The following KLRG1 variants were observed in gnomAD, a reference collection of about 807,000 sequenced individuals.
KLRG1 encodes the protein killer cell lectin like receptor G1.
In KLRG1, 16 loss-of-function variants were observed where a neutral mutation model predicts 21.8. The observed-to-expected ratio is 0.73, with a 90% CI of 0.50 to 1.11. The LOEUF (loss-of-function observed/expected upper bound fraction) is 1.11. Ranked by LOEUF, KLRG1 falls within the 50% of genes most tolerant of loss-of-function variation. The probability of loss-of-function intolerance (pLI) is 0.00; values close to 1 mark genes in which losing one functional copy is unlikely to be tolerated. For missense variants in KLRG1, 173 were observed against 218.3 expected (o/e 0.79, Z 1.31); for synonymous variants, 69 against 75.9 (o/e 0.91, Z 0.47).
the KLRG1 span, among the ~76,000 whole-genome samples, chr12:9,063,006 G>A: frequency 2.0e-5 from 3 of 152,018 alleles, no homozygotes; most frequent in Middle Eastern, 3.4e-3. Context: ...AGAGAATATT[G>A]CATAATAGAA....
the KLRG1 span, among the ~76,000 whole-genome samples, chr12:9,195,334 C>T: frequency 6.6e-6 from 1 of 152,088 alleles, no homozygotes. Context: ...CTGCAACAAA[C>T]CAGCTAAGAA....
chr12:9,076,835 G>A, the KLRG1 span: 1 of 1,614,010 alleles, frequency 6.2e-7, no homozygotes, highest in Non-Finnish European at 8.5e-7. Context: ...CAAAAGCATA[G>A]GCCAGCAGTG....
the KLRG1 span, among the ~76,000 whole-genome samples, chr12:9,070,851 A>G: frequency 0.83 from 125,969 of 150,910 alleles, 52,978 homozygotes; most frequent in Non-Finnish European, 0.88. Flanking sequence ...GGAGTTTTTC[A>G]CTCTTCTTGC....
At chr12:9,027,238 A>G in the KLRG1 span, among the ~76,000 whole-genome samples, 6 of 151,186 alleles carry the variant, frequency 4.0e-5, no homozygotes, top group African/African-American at 1.5e-4. Flanking sequence ...TATTCCATTT[A>G]GCAATCAACA....
At chr12:9,149,968 C>T in the KLRG1 span, among the ~76,000 whole-genome samples, 1 of 152,174 alleles carries the variant, frequency 6.6e-6, no homozygotes, top group African/African-American at 2.4e-5. Context: ...AAACACTCCT[C>T]CTACTTCTAT....
the KLRG1 span, among the ~76,000 whole-genome samples, chr12:9,059,513 T>C: frequency 6.6e-6 from 1 of 152,300 alleles, no homozygotes; most frequent in African/African-American, 2.4e-5. Context: ...TGGGTTTCAA[T>C]GGATAAAACC....
At chr12:9,167,346 T>C in the KLRG1 span, 1 of 152,240 alleles carries the variant, frequency 6.6e-6, no homozygotes, top group Non-Finnish European at 1.5e-5. Flanking sequence ...CAACTTGACT[T>C]TCCACGTGTC....
chr12:8,982,643 TC>T (rs1946772850), intron 1 of KLRG1, among the ~76,000 whole-genome samples: 2 of 150,972 alleles, frequency 1.3e-5, no homozygotes, highest in Non-Finnish European at 3.0e-5. Context: ...ACAGACAATA[TC>T]TTTTTTTTTT....
At chr12:8,956,364 C>A (rs892175083) in intron 1 of KLRG1, among the ~76,000 whole-genome samples, 2 of 152,178 alleles carry the variant, frequency 1.3e-5, no homozygotes, top group Non-Finnish European at 2.9e-5. Context: ...GTAACACAAA[C>A]GAGCTGAGAC....
chr12:9,070,484 C>T, the KLRG1 span: 2 of 1,609,248 alleles, frequency 1.2e-6, no homozygotes, highest in Middle Eastern at 1.7e-4. Flanking sequence ...TATGATAAAC[C>T]TACCATTTTC....
the KLRG1 span, among the ~76,000 whole-genome samples, chr12:9,215,278 T>C: frequency 6.6e-6 from 1 of 152,022 alleles, no homozygotes; most frequent in African/African-American, 2.4e-5. Context: ...ACTTTCAGAC[T>C]GTACCAGTGG....
chr12:9,188,671 A>C, the KLRG1 span, among the ~76,000 whole-genome samples: 1 of 152,248 alleles, frequency 6.6e-6, no homozygotes, highest in Non-Finnish European at 1.5e-5. Context: ...TGATGTTAGC[A>C]AAATTTCAGG....
intron 1 of KLRG1, among the ~76,000 whole-genome samples, chr12:8,980,230 GT>G (rs879756800): frequency 1.3e-5 from 2 of 151,332 alleles, no homozygotes; most frequent in African/African-American, 4.9e-5. Flanking sequence ...TGTTTTTTTT[GT>G]TTTTTTGTTT....
At chr12:9,036,811 G>C in the KLRG1 span, 1 of 417,284 alleles carries the variant, frequency 2.4e-6, no homozygotes, top group Non-Finnish European at 4.8e-6. Context: ...GCTGTCTTTG[G>C]TTACGAGGGC....
upstream of KLRG1, among the ~76,000 whole-genome samples, chr12:8,988,063 G>A (rs1946874043): frequency 6.6e-6 from 1 of 152,162 alleles, no homozygotes; most frequent in Non-Finnish European, 1.5e-5. Flanking sequence ...GCTTGGACTT[G>A]CAGAGTTTTG....
chr12:8,954,175 G>GAC (rs767561730), intron 1 of KLRG1, among the ~76,000 whole-genome samples: 8 of 152,024 alleles, frequency 5.3e-5, no homozygotes, highest in Non-Finnish European at 1.0e-4. Flanking sequence ...AGTGAAATAA[G>GAC]ACACACACAG....
At chr12:9,077,998 TA>T in the KLRG1 span, 3 of 951,672 alleles carry the variant, frequency 3.2e-6, no homozygotes, top group Non-Finnish European at 4.7e-6. Flanking sequence ...GATTAATCTT[TA>T]GTCTGCCTGA....
At chr12:9,014,028 G>T (rs1189483469), downstream of KLRG1, among the ~76,000 whole-genome samples, 1 of 152,124 alleles carries the variant, frequency 6.6e-6, no homozygotes, top group African/African-American at 2.4e-5. Context: ...GAAGAAGGAA[G>T]CTCAAAGACA....
the KLRG1 span, among the ~76,000 whole-genome samples, chr12:9,166,594 A>G: frequency 1.2e-4 from 18 of 152,358 alleles, no homozygotes; most frequent in Admixed American, 2.0e-4. Context: ...TATACTAAAA[A>G]TGAAATTACC....
Sources: gnomAD v4.1 joint callset for allele counts (sites outside exome capture counted in the v4.1 genomes callset) on GRCh38, gnomAD v4.1.1 for gene constraint, MANE v1.5 for transcripts, NCBI Gene and HGNC (gene_info 2026-07-23, HGNC 2026-07-21) for gene names.